Variants in LAMA3 observed in about 807,000 individuals in gnomAD.
LAMA3 encodes the protein laminin subunit alpha 3, also known as laminin subunit alpha-3.
In LAMA3, 281 loss-of-function variants were observed where a neutral mutation model predicts 402.0. The observed-to-expected ratio is 0.70, with a 90% CI of 0.63 to 0.77. The LOEUF (loss-of-function observed/expected upper bound fraction) is 0.77. Among genes scored for constraint, LAMA3 ranks in the 30% least tolerant of loss-of-function variants. The probability of loss-of-function intolerance (pLI) is 0.00; values close to 1 mark genes in which losing one functional copy is unlikely to be tolerated. For synonymous variants in LAMA3, 1,431 were observed against 1,558.4 expected, an observed-to-expected ratio of 0.92 and a Z score of 1.93; for missense variants, 3,840 against 4,215.5, an observed-to-expected ratio of 0.91 and a Z score of 2.47.
chr18:23,840,377 CTTTCTTTTTTT>C (rs1299549072), intron 27 of LAMA3, among the ~76,000 whole-genome samples: 5 of 79,520 alleles, frequency 6.3e-5, no homozygotes, highest in East Asian at 4.2e-4. Context: ...AAGAACCTTT[CTTTCTTTTTTT>C]TTTTTTTTTT....
chr18:23,872,712 G>A, intron 38 of LAMA3: 1 of 349,612 alleles, frequency 2.9e-6, no homozygotes, highest in Non-Finnish European at 5.5e-6. Flanking sequence ...ATAGCCCGAG[G>A]GAAAGAGAGG....
At chr18:23,739,462 C>T (rs530721077) in intron 2 of LAMA3, among the ~76,000 whole-genome samples, 2 of 152,150 alleles carry the variant, frequency 1.3e-5, no homozygotes, top group African/African-American at 4.8e-5. Context: ...TAGTCAAAAA[C>T]GTTTCTGAAG....
At chr18:23,949,416 A>G (rs1348039365) in intron 70 of LAMA3, among the ~76,000 whole-genome samples, 1 of 151,922 alleles carries the variant, frequency 6.6e-6, no homozygotes, top group Non-Finnish European at 1.5e-5. Flanking sequence ...TTGCTGCTCC[A>G]TCTGTGAGGA....
At position 23,894,299 on chromosome 18, in the gene LAMA3, C is replaced by G; in HGVS notation, c.5412C>G (p.Asp1804Glu). The G allele has an allele frequency of 6.2e-7, 1 of 1,610,690 alleles. No individual in the cohort carries two copies. Residue 1804 changes from aspartate to glutamate, a missense_variant and splice_region_variant, in exon 43 of 75, where the codon GAC becomes GAG. Physicochemically the swap from Asp to Glu is conservative, Grantham distance 45. Transcript: ENST00000313654. ...QLGSCHPLTG[D>E]CINQEPKDSS... ...TCTTTGGTTATTTTCTGATTTTAGACTGCATAAACCAAGAACCCAAAGATA... is the reference window on the plus strand; with the variant it reads ...TCTTTGGTTATTTTCTGATTTTAGAGTGCATAAACCAAGAACCCAAAGATA...
intron 12 of LAMA3, among the ~76,000 whole-genome samples, chr18:23,801,946 A>C (rs773339371): frequency 3.9e-5 from 6 of 152,244 alleles, no homozygotes; most frequent in Non-Finnish European, 8.8e-5. Context: ...TACATATAAC[A>C]TACGCATATA....
chr18:23,771,627 G>T (rs1187956901), intron 8 of LAMA3, among the ~76,000 whole-genome samples: 1 of 152,192 alleles, frequency 6.6e-6, no homozygotes, highest in South Asian at 2.1e-4. Flanking sequence ...TTAAATGCAT[G>T]GTGAAGTATT....
chr18:23,893,581 C>A (rs914785589), intron 42 of LAMA3, among the ~76,000 whole-genome samples: 3 of 152,012 alleles, frequency 2.0e-5, no homozygotes, highest in Non-Finnish European at 4.4e-5. Flanking sequence ...AGACTCCCCC[C>A]TCCCCACCGG....
rs1193695620 is a variant in LAMA3, at chr18:23,741,359, C to A, written c.448-6584C>A. On this transcript the variant is annotated intron_variant, in intron 2 of 74. Transcript: ENST00000313654. ...GGCCAGGATTAAAAGGATCCCTTTTCAGACTGGTTGGGTTGTATTTTCATC... is the reference window on the plus strand; with the variant it reads ...GGCCAGGATTAAAAGGATCCCTTTTAAGACTGGTTGGGTTGTATTTTCATC... 3.6e-3 allele frequency among the ~76,000 whole-genome samples: 554 copies of A among 152,272 alleles called. 2 individuals are homozygous for A. The highest frequency in any genetic ancestry group is 0.013 in the African/African-American group (531 of 41,532).
intron 74 of LAMA3, among the ~76,000 whole-genome samples, chr18:23,953,339 TTTTTTTTTTTG>T (rs2082992476): frequency 2.1e-5 from 3 of 140,900 alleles, no homozygotes; most frequent in Admixed American, 7.1e-5. Flanking sequence ...TTTTTTTTTG[TTTTTTTTTTTG>T]TTTTTTTTTG....
chr18:23,906,209 C>T (rs1259391481), intron 52 of LAMA3, among the ~76,000 whole-genome samples: 1 of 152,116 alleles, frequency 6.6e-6, no homozygotes, highest in Non-Finnish European at 1.5e-5. Context: ...CCTATTTGGG[C>T]CTGGCCTTGG....
chr18:23,953,136 G>A, intron 74 of LAMA3, 27 bp downstream of exon 74: 2 of 1,612,734 alleles, frequency 1.2e-6, no homozygotes, highest in Non-Finnish European at 8.5e-7. Context: ...CTTCTATAAT[G>A]TGTTGCCCTG....
intron 1 of LAMA3, among the ~76,000 whole-genome samples, chr18:23,701,933 G>A (rs1377769750): frequency 6.6e-6 from 1 of 152,158 alleles, no homozygotes; most frequent in Non-Finnish European, 1.5e-5. Flanking sequence ...AGTGAGTGGG[G>A]GAAAAGTGCG....
chr18:23,887,458 A>G (rs184720926), intron 41 of LAMA3, among the ~76,000 whole-genome samples: 2 of 152,336 alleles, frequency 1.3e-5, no homozygotes, highest in Admixed American at 1.3e-4. Context: ...TCCATTTGGC[A>G]GGCAAAATTT....
intron 24 of LAMA3, among the ~76,000 whole-genome samples, chr18:23,835,168 G>T (rs548781985): frequency 6.6e-6 from 1 of 152,172 alleles, no homozygotes; most frequent in Non-Finnish European, 1.5e-5. Flanking sequence ...ACTGTTAGCC[G>T]CAGGGCCTGG....
chr18:23,740,289 C>T (rs2061540769), intron 2 of LAMA3, among the ~76,000 whole-genome samples: 1 of 152,138 alleles, frequency 6.6e-6, no homozygotes. Flanking sequence ...GATTAAAGAC[C>T]ACTAGGACTG....
chr18:23,721,952 A>C (rs184606128), intron 2 of LAMA3, among the ~76,000 whole-genome samples: 64 of 152,300 alleles, frequency 4.2e-4, no homozygotes, highest in African/African-American at 1.4e-3. Flanking sequence ...CAAAACAAAG[A>C]TCTCAGTGTG....
chr18:23,773,994 G>T (rs1328178578), intron 9 of LAMA3, among the ~76,000 whole-genome samples: 1 of 152,188 alleles, frequency 6.6e-6, no homozygotes, highest in African/African-American at 2.4e-5. Context: ...GCTGAGGCAG[G>T]TGGATCACTT....
At chr18:23,895,765 A>G (rs1245591941) in intron 44 of LAMA3, among the ~76,000 whole-genome samples, 3 of 150,006 alleles carry the variant, frequency 2.0e-5, no homozygotes, top group Admixed American at 6.6e-5. Context: ...TTGTTTATCT[A>G]TTTTCAATTT....
At position 23,740,046 on chromosome 18, in the gene LAMA3, C is replaced by T. The variant is rs139660500; in HGVS notation, c.448-7897C>T. Reference sequence around the variant, plus strand: ...TGTGAATGAGAAAAAGTGAGTTTTACAGGGAGAACCAGGTCCGAGACAAAA... The same window carrying T: ...TGTGAATGAGAAAAAGTGAGTTTTATAGGGAGAACCAGGTCCGAGACAAAA... On this transcript the variant is annotated intron_variant, in intron 2 of 74. Coordinates refer to ENST00000313654, the MANE Select transcript of LAMA3 (RefSeq NM_198129.4). Among the ~76,000 whole-genome samples the T allele has an allele frequency of 1.1e-3, 166 of 152,262 alleles. 1 individual carries two copies. The highest frequency in any genetic ancestry group is 2.1e-3 in the Non-Finnish European group (142 of 68,020).
Sources: gnomAD v4.1 joint callset for allele counts (sites outside exome capture counted in the v4.1 genomes callset) on GRCh38, gnomAD v4.1.1 for gene constraint, MANE v1.5 for transcripts, NCBI Gene and HGNC (gene_info 2026-07-23, HGNC 2026-07-21) for gene names.